KCNIP4: variants seen among roughly 807,000 people sequenced by gnomAD.
The protein encoded by KCNIP4 is Kv channel-interacting protein 4.
Under a neutral mutation model 34.0 loss-of-function variants are expected in KCNIP4, and 12 were observed. That is an observed-to-expected ratio of 0.35 (90% CI 0.23 to 0.57). KCNIP4 has a LOEUF of 0.57. Among genes scored for constraint, KCNIP4 ranks in the 20% least tolerant of loss-of-function variants. The pLI, the probability that KCNIP4 is intolerant of heterozygous loss-of-function variation, is 0.83. For missense variants in KCNIP4, 238 were observed against 311.7 expected (o/e 0.76, Z 1.78); for synonymous variants, 124 against 102.2 (o/e 1.21, Z -1.29).
At chr4:20,901,526 G>A (rs1727152394) in intron 1 of KCNIP4, among the ~76,000 whole-genome samples, 1 of 152,128 alleles carries the variant, frequency 6.6e-6, no homozygotes, top group Admixed American at 6.5e-5. Context: ...CCTGCTTTTG[G>A]AATCTTAATT....
intron 1 of KCNIP4, among the ~76,000 whole-genome samples, chr4:21,865,074 T>C (rs778417444): frequency 4.0e-5 from 6 of 151,570 alleles, no homozygotes; most frequent in Admixed American, 6.6e-5. Context: ...AAGAGAATAT[T>C]GCCTCTCTTT....
At chr4:21,616,077 C>T (rs1273849880) in intron 1 of KCNIP4, among the ~76,000 whole-genome samples, 1 of 152,150 alleles carries the variant, frequency 6.6e-6, no homozygotes, top group Non-Finnish European at 1.5e-5. Context: ...AAAAAACATA[C>T]AAGGCCCTAC....
intron 1 of KCNIP4, among the ~76,000 whole-genome samples, chr4:21,741,538 G>A (rs546871554): frequency 6.6e-6 from 1 of 152,102 alleles, no homozygotes. Context: ...GTGGAACCCA[G>A]CATCATCTAT....
intron 1 of KCNIP4, among the ~76,000 whole-genome samples, chr4:21,453,434 A>G (rs1728675754): frequency 6.6e-6 from 1 of 152,122 alleles, no homozygotes; most frequent in African/African-American, 2.4e-5. Context: ...CTGAGGCACA[A>G]TTTGGCGATG....
At chr4:21,743,908 G>T (rs1036486409) in intron 1 of KCNIP4, among the ~76,000 whole-genome samples, 1 of 151,236 alleles carries the variant, frequency 6.6e-6, no homozygotes, top group Non-Finnish European at 1.5e-5. Flanking sequence ...ATTGCCATGG[G>T]ACTTGATGTT....
intron 1 of KCNIP4, among the ~76,000 whole-genome samples, chr4:21,174,660 G>A (rs1754264077): frequency 1.3e-5 from 2 of 152,074 alleles, no homozygotes; most frequent in African/African-American, 2.4e-5. Flanking sequence ...AGCACTTTGG[G>A]AGGCCGAGGT....
At chr4:20,904,920 G>A (rs1727568029) in intron 1 of KCNIP4, among the ~76,000 whole-genome samples, 1 of 152,176 alleles carries the variant, frequency 6.6e-6, no homozygotes, top group Non-Finnish European at 1.5e-5. Context: ...GGAAGAGGAT[G>A]AGGCATGGGA....
chr4:21,209,193 T>C (rs935910458), intron 1 of KCNIP4, among the ~76,000 whole-genome samples: 7 of 152,208 alleles, frequency 4.6e-5, no homozygotes, highest in African/African-American at 1.7e-4. Context: ...ATACACACCA[T>C]GTATAGTGAT....
intron 1 of KCNIP4, among the ~76,000 whole-genome samples, chr4:21,090,255 G>C (rs1225914465): frequency 1.3e-5 from 2 of 152,162 alleles, no homozygotes; most frequent in Non-Finnish European, 2.9e-5. Flanking sequence ...AGCTCCATAA[G>C]GGTAACTATC....
At chr4:21,597,960 C>T (rs1479029800) in intron 1 of KCNIP4, among the ~76,000 whole-genome samples, 1 of 152,028 alleles carries the variant, frequency 6.6e-6, no homozygotes, top group East Asian at 1.9e-4. Context: ...AGAAAAAATG[C>T]ATTTTAAGAG....
intron 1 of KCNIP4, among the ~76,000 whole-genome samples, chr4:21,768,740 T>C (rs996683028): frequency 4.6e-5 from 7 of 152,092 alleles, no homozygotes; most frequent in African/African-American, 1.4e-4. Context: ...CATTAAAATA[T>C]AGAAAACACA....
intron 1 of KCNIP4, among the ~76,000 whole-genome samples, chr4:21,922,003 C>T (rs115829195): frequency 0.011 from 1,617 of 152,306 alleles, 27 homozygotes; most frequent in African/African-American, 0.036. Flanking sequence ...ACTGACTCAT[C>T]TCACATCTCT....
At chr4:21,006,624 A>G (rs1738577987) in intron 1 of KCNIP4, among the ~76,000 whole-genome samples, 1 of 152,226 alleles carries the variant, frequency 6.6e-6, no homozygotes, top group Non-Finnish European at 1.5e-5. Flanking sequence ...CTACAGAAGC[A>G]TGGAAGAATG....
At chr4:21,506,996 T>C (rs866544060) in intron 1 of KCNIP4, among the ~76,000 whole-genome samples, 1 of 151,886 alleles carries the variant, frequency 6.6e-6, no homozygotes, top group South Asian at 2.1e-4. Flanking sequence ...CTATGTTGCC[T>C]AGGTTGGTGT....
intron 1 of KCNIP4, among the ~76,000 whole-genome samples, chr4:21,114,397 A>C (rs1369701668): frequency 2.0e-5 from 3 of 152,304 alleles, no homozygotes; most frequent in Non-Finnish European, 2.9e-5. Context: ...CCAGGGGCCT[A>C]AATAAAATAG....
chr4:21,357,872 A>T (rs572162275), intron 1 of KCNIP4, among the ~76,000 whole-genome samples: 1 of 152,342 alleles, frequency 6.6e-6, no homozygotes, highest in South Asian at 2.1e-4. Context: ...ATGCACATGT[A>T]TGTTTATTGT....
At chr4:20,912,716 TAGAA>T (rs370779113) in intron 1 of KCNIP4, among the ~76,000 whole-genome samples, 124 of 152,202 alleles carry the variant, frequency 8.1e-4, no homozygotes, top group African/African-American at 2.5e-3. Flanking sequence ...ATTTTAAAAA[TAGAA>T]AGAAATTTGA....
intron 1 of KCNIP4, among the ~76,000 whole-genome samples, chr4:21,371,133 G>T (rs1039841418): frequency 7.0e-6 from 1 of 143,580 alleles, no homozygotes; most frequent in African/African-American, 2.9e-5. Flanking sequence ...AATCTTGAAG[G>T]CTCTTCCATT....
intron 1 of KCNIP4, among the ~76,000 whole-genome samples, chr4:21,433,686 C>A (rs2109676333): frequency 6.6e-6 from 1 of 152,266 alleles, no homozygotes; most frequent in East Asian, 1.9e-4. Context: ...CTTCTCTTCT[C>A]AATCATGCCC....
Sources: gnomAD v4.1 joint callset for allele counts (sites outside exome capture counted in the v4.1 genomes callset) on GRCh38, gnomAD v4.1.1 for gene constraint, MANE v1.5 for transcripts, NCBI Gene and HGNC (gene_info 2026-07-23, HGNC 2026-07-21) for gene names.